Variants in ZNF91 observed in about 807,000 individuals in gnomAD.
ZNF91 encodes the protein zinc finger protein 91, also known as zinc finger protein 91 (HPF7, HTF10).
Under a neutral mutation model 12.6 loss-of-function variants are expected in ZNF91, and 7 were observed. The ratio of observed to expected loss-of-function variants is 0.55; its 90% CI spans 0.31 to 1.04. The LOEUF is 1.04. ZNF91 is among the 50% of genes least tolerant of loss of function. The pLI is 0.05. For missense variants in ZNF91, 1,217 were observed against 1,385.4 expected (o/e 0.88, Z 1.93); for synonymous variants, 453 against 462.6 (o/e 0.98, Z 0.27).
At chr19:23,333,421 G>A (rs56396629) in intron 1 of ZNF91, among the ~76,000 whole-genome samples, 1,783 of 152,318 alleles carry the variant, frequency 0.012, 38 homozygotes, top group African/African-American at 0.04. Context: ...CTAATCTAAA[G>A]ATTTGTCCAA....
chr19:23,395,357 T>G lies in ZNF91; in HGVS notation c.-3A>C. 6.2e-7 allele frequency: 1 copy of G among 1,613,918 alleles called. No individual in the cohort carries two copies. The highest frequency in any genetic ancestry group is 8.5e-7 in the Non-Finnish European group (1 of 1,179,910). On this transcript the variant is annotated 5_prime_UTR_variant, in exon 1 of 4. Coordinates refer to ENST00000300619, the MANE Select transcript of ZNF91 (RefSeq NM_003430.4). Reference sequence around the variant, plus strand: ...AGGCTTCCAGGGGTTCCTGGCATCTTAGCTGTGGCTCTCCAATACCTGCAG... The same window carrying G: ...AGGCTTCCAGGGGTTCCTGGCATCTGAGCTGTGGCTCTCCAATACCTGCAG...
downstream of ZNF91, among the ~76,000 whole-genome samples, chr19:23,333,924 T>C (rs1386941093): frequency 1.3e-5 from 2 of 152,150 alleles, no homozygotes; most frequent in Non-Finnish European, 2.9e-5. Context: ...TTGGGAACCA[T>C]TTTTTGATGC....
chr19:23,393,063 GT>G (rs762788173), intron 1 of ZNF91, among the ~76,000 whole-genome samples: 3 of 150,950 alleles, frequency 2.0e-5, no homozygotes, highest in Non-Finnish European at 4.4e-5. Context: ...GTTTTTTTTT[GT>G]TTTTTGTCTT....
chr19:23,326,194 A>T (rs1397065108), intron 1 of ZNF91: 2 of 151,852 alleles, frequency 1.3e-5, no homozygotes, highest in Non-Finnish European at 2.9e-5. Flanking sequence ...AATAACTTTT[A>T]CCCCCATCTA....
intron 1 of ZNF91, among the ~76,000 whole-genome samples, chr19:23,377,287 G>A (rs1348409581): frequency 6.6e-6 from 1 of 152,146 alleles, no homozygotes; most frequent in Non-Finnish European, 1.5e-5. Flanking sequence ...AGAGTCACAG[G>A]AGACACTTAA....
At chr19:23,366,128 T>C (rs374351532) in intron 3 of ZNF91, among the ~76,000 whole-genome samples, 34 of 152,082 alleles carry the variant, frequency 2.2e-4, no homozygotes, top group Admixed American at 3.9e-4. Context: ...GGCTCCTCGC[T>C]TCCCAGTAGG....
intron 1 of ZNF91, among the ~76,000 whole-genome samples, chr19:23,390,034 G>A (rs973277412): frequency 2.0e-5 from 3 of 152,082 alleles, no homozygotes; most frequent in African/African-American, 7.2e-5. Flanking sequence ...GATACAACCC[G>A]GGACAGGCGC....
At chr19:23,352,494 T>C (rs1025098594) in intron 3 of ZNF91, among the ~76,000 whole-genome samples, 7 of 151,930 alleles carry the variant, frequency 4.6e-5, no homozygotes, top group Non-Finnish European at 8.8e-5. Context: ...ATCTTGGGAG[T>C]CACACCACTG....
chr19:23,316,860 T>C (rs958767594), intron 1 of ZNF91, among the ~76,000 whole-genome samples: 4 of 151,908 alleles, frequency 2.6e-5, no homozygotes, highest in African/African-American at 9.7e-5. Flanking sequence ...TGAGATTGGG[T>C]TTCTCATATT....
In ZNF91 at chr19:23,319,076, T is replaced by G. The variant is rs60423252; in HGVS notation, n.117-9979A>C. ...GGTACATAGCTCTGGGCCCCTCACC[T>G]AAATGATGCAATCCTCATTCTTGGG... is the stretch of plus-strand genomic sequence containing the variant. On this transcript the variant is annotated intron_variant and non_coding_transcript_variant, in intron 1 of 1. Transcript: ENST00000596528. 4.4e-3 allele frequency among the ~76,000 whole-genome samples: 672 copies of G among 152,308 alleles called. 4 individuals carry two copies. The highest frequency in any genetic ancestry group is 0.015 in the African/African-American group (644 of 41,570).
At chr19:23,371,208 T>C (rs1307611167) in intron 3 of ZNF91, among the ~76,000 whole-genome samples, 1 of 152,064 alleles carries the variant, frequency 6.6e-6, no homozygotes, top group East Asian at 1.9e-4. Flanking sequence ...TAGCCGGGCA[T>C]GGTGGTACAT....
intron 3 of ZNF91, among the ~76,000 whole-genome samples, chr19:23,363,353 G>T (rs1568387857): frequency 6.6e-6 from 1 of 152,182 alleles, no homozygotes; most frequent in South Asian, 2.1e-4. Flanking sequence ...ATGAAAGTTT[G>T]AGTCTGCTGA....
rs780750180 is a variant in ZNF91, at chr19:23,359,807, C to T, written c.3172G>A (p.Ala1058Thr). 6.2e-7 allele frequency: 1 copy of T among 1,613,778 alleles called. No homozygotes were observed. The highest frequency in any genetic ancestry group is 8.5e-7 in the Non-Finnish European group (1 of 1,179,950). ...KPYKCEECGKAFISSSTLNGH... is the reference protein window; with the variant it reads ...KPYKCEECGKTFISSSTLNGH... ...TTTAGGGTTGAGGATGATATAAATG[C>T]TTTGCCACATTCTTCACACTTGTAA... is the stretch of plus-strand genomic sequence containing the variant. The change falls in exon 4 of 4, where the codon GCA becomes ACA. Residue 1058 changes from alanine (A) to threonine (T), a missense_variant. Ala to Thr is a moderately conservative substitution (Grantham distance 58). Transcript: ENST00000300619.
chr19:23,337,050 T>C (rs547133046), downstream of ZNF91, among the ~76,000 whole-genome samples: 8 of 152,324 alleles, frequency 5.3e-5, no homozygotes, highest in Non-Finnish European at 1.0e-4. Context: ...GATTGCATAG[T>C]GGTGAAGTCA....
At chr19:23,323,791 T>C (rs1427562756) in intron 1 of ZNF91, among the ~76,000 whole-genome samples, 3 of 150,936 alleles carry the variant, frequency 2.0e-5, no homozygotes, top group Non-Finnish European at 3.0e-5. Context: ...TTCTTCTTCC[T>C]CCTTCTCCTC....
At chr19:23,339,219 A>G (rs777179127) in intron 3 of ZNF91, 1 of 152,164 alleles carries the variant, frequency 6.6e-6, no homozygotes, top group African/African-American at 2.4e-5. Flanking sequence ...AAATAGGAGT[A>G]TCTATACTTA....
At chr19:23,368,972 A>G (rs986660222) in intron 3 of ZNF91, among the ~76,000 whole-genome samples, 3 of 152,244 alleles carry the variant, frequency 2.0e-5, no homozygotes, top group African/African-American at 7.2e-5. Context: ...TTAAATGGTC[A>G]CTATCCATTT....
At chr19:23,387,867 CG>C (rs1423595617) in intron 1 of ZNF91, among the ~76,000 whole-genome samples, 3 of 144,076 alleles carry the variant, frequency 2.1e-5, no homozygotes, top group Non-Finnish European at 4.5e-5. Context: ...TGCTTAAACC[CG>C]GGAGGCAGAG....
intron 1 of ZNF91, chr19:23,380,625 G>A (rs1263455618): frequency 1.3e-5 from 2 of 152,016 alleles, no homozygotes; most frequent in African/African-American, 4.8e-5. Flanking sequence ...AGCGTCTTAA[G>A]AAAAAACTGA....
Sources: gnomAD v4.1 joint callset for allele counts (sites outside exome capture counted in the v4.1 genomes callset) on GRCh38, gnomAD v4.1.1 for gene constraint, MANE v1.5 for transcripts, NCBI Gene and HGNC (gene_info 2026-07-23, HGNC 2026-07-21) for gene names.